The following PFKP variants were observed in gnomAD, a reference collection of about 807,000 sequenced individuals.
PFKP encodes the protein ATP-dependent 6-phosphofructokinase, platelet type.
In PFKP, 101 loss-of-function variants were observed where a neutral mutation model predicts 94.3. That is an observed-to-expected ratio of 1.07 (90% CI 0.91 to 1.26). The LOEUF is 1.26. Among genes scored for constraint, PFKP ranks in the 50% most tolerant of loss-of-function variants. The pLI is 0.00. For missense variants in PFKP, 1,145 were observed against 1,103.3 expected, an observed-to-expected ratio of 1.04 and a Z score of -0.53; for synonymous variants, 573 against 432.6, an observed-to-expected ratio of 1.32 and a Z score of -4.03.
At chr10:3,084,747 T>TCCAGCCCCTCCCCAGGAGAGTCCA (rs1833366026) in intron 2 of PFKP, among the ~76,000 whole-genome samples, 1 of 124,820 alleles carries the variant, frequency 8.0e-6, no homozygotes, top group Non-Finnish European at 1.7e-5. Context: ...AGGAGAGTCC[T>TCCAGCCCCTCCCCAGGAGAGTCCA]CCAGCCCCTC....
At chr10:3,073,500 C>G (rs946707914) in intron 1 of PFKP, among the ~76,000 whole-genome samples, 1 of 151,756 alleles carries the variant, frequency 6.6e-6, no homozygotes, top group African/African-American at 2.4e-5. Flanking sequence ...GGGGAGGGCA[C>G]CGGTGCTGCT....
rs978999218 is a variant in PFKP at position 3,128,745 on chromosome 10, C to A, written c.1684-1074C>A. 7.9e-5 allele frequency among the ~76,000 whole-genome samples: 12 copies of A among 152,232 alleles called. No homozygotes were observed. The East Asian group carries it at 2.3e-3, about 29-fold the overall frequency. On this transcript the variant is annotated intron_variant, in intron 16 of 21. Transcript: ENST00000381125. ...GCATTTAAGGCCCACCTGGGTACTCCTAGGATTCACCTTTATCACCGCATG... is the reference window on the plus strand; with the variant it reads ...GCATTTAAGGCCCACCTGGGTACTCATAGGATTCACCTTTATCACCGCATG...
At chr10:3,126,410 G>A (rs1325073305) in intron 16 of PFKP, among the ~76,000 whole-genome samples, 1 of 152,230 alleles carries the variant, frequency 6.6e-6, no homozygotes, top group African/African-American at 2.4e-5. Context: ...AATGCCATTA[G>A]GGTCCGGCCA....
intron 1 of PFKP, among the ~76,000 whole-genome samples, chr10:3,072,910 G>GTGCGGTGAATAT (rs1232479536): frequency 6.6e-6 from 1 of 151,998 alleles, no homozygotes; most frequent in Non-Finnish European, 1.5e-5. Flanking sequence ...ATATAGAACA[G>GTGCGGTGAATAT]AGGGCCGTAT....
rs1835410109 is a variant in PFKP at position 3,105,160 on chromosome 10, G to C, written c.665+1G>C. The stretch of plus-strand genomic sequence containing the variant: ...TGGAGGTGATGGGACGACACTGTGG[G>C]TACGTACCTGCGGTGGGTCCGGTGG... On this transcript the variant is annotated splice_donor_variant, in intron 6 of 21. Coordinates refer to ENST00000381125, the MANE Select transcript of PFKP (RefSeq NM_002627.5). LOFTEE classifies it high-confidence loss of function. 1.9e-6 allele frequency: 3 copies of C among 1,613,574 alleles called. No homozygotes were observed. Among genetic ancestry groups the C allele is most frequent in the East Asian group, 2.2e-5 (1 of 44,868 alleles).
chr10:3,118,757 T>G, intron 14 of PFKP, 25 bp from the exon 15 acceptor site: 1 of 1,581,518 alleles, frequency 6.3e-7, no homozygotes, highest in Non-Finnish European at 8.7e-7. Context: ...GTGTCTGACA[T>G]CGTTCTCCAC....
chr10:3,068,010 C>T (rs1029397904), intron 1 of PFKP, among the ~76,000 whole-genome samples: 2 of 152,154 alleles, frequency 1.3e-5, no homozygotes, highest in African/African-American at 4.8e-5. Context: ...GAACCTCCAT[C>T]CGGAAGATCA....
At position 3,116,864 on chromosome 10, in the gene PFKP, A is replaced by T. The variant is rs754026652; in HGVS notation, c.1442+18A>T. ...ACAAAACGGTAACTTCCAAATCTCAACTCTATGACCTGCTTTTAAGGAAGA... is the reference window on the plus strand; with the variant it reads ...ACAAAACGGTAACTTCCAAATCTCATCTCTATGACCTGCTTTTAAGGAAGA... On this transcript the variant is annotated intron_variant, in intron 14 of 21. Coordinates refer to ENST00000381125, the MANE Select transcript of PFKP (RefSeq NM_002627.5). 2 of 1,556,874 alleles carry T rather than the reference A, an allele frequency of 1.3e-6. No individual in the cohort carries two copies. The highest frequency in any genetic ancestry group is 4.5e-5 in the East Asian group (2 of 44,602).
intron 14 of PFKP, among the ~76,000 whole-genome samples, chr10:3,117,424 G>A (rs566925604): frequency 4.7e-4 from 72 of 152,272 alleles, no homozygotes; most frequent in Non-Finnish European, 8.5e-4. Context: ...TCAGAGGTGC[G>A]AATATTAATC....
chr10:3,073,871 C>T (rs1352527910), intron 1 of PFKP, among the ~76,000 whole-genome samples: 3 of 151,804 alleles, frequency 2.0e-5, no homozygotes, highest in Non-Finnish European at 4.4e-5. Context: ...GGGATCTTGC[C>T]CTCTTGCCCA....
intron 4 of PFKP, among the ~76,000 whole-genome samples, chr10:3,103,504 G>T (rs1400939874): frequency 6.6e-6 from 1 of 152,140 alleles, no homozygotes; most frequent in Non-Finnish European, 1.5e-5. Flanking sequence ...AATCAGCCAG[G>T]CATAGTTCTA....
chr10:3,068,659 C>T, intron 1 of PFKP: 1 of 985,370 alleles, frequency 1.0e-6, no homozygotes. Context: ...GTGGCGGAGA[C>T]TCGGCGCGCC....
intron 1 of PFKP, among the ~76,000 whole-genome samples, chr10:3,078,288 C>T (rs1038691435): frequency 2.6e-5 from 4 of 152,208 alleles, no homozygotes. Context: ...TGCACGTCTT[C>T]GTCCCTGTCC....
intron 18 of PFKP, among the ~76,000 whole-genome samples, chr10:3,132,733 G>A (rs984104460): frequency 1.3e-5 from 2 of 150,996 alleles, no homozygotes; most frequent in African/African-American, 2.4e-5. Flanking sequence ...ATCCCTCTTA[G>A]CCTCAGGGAC....
intron 16 of PFKP, among the ~76,000 whole-genome samples, chr10:3,120,643 A>C (rs1662272358): frequency 6.6e-6 from 1 of 152,180 alleles, no homozygotes; most frequent in Non-Finnish European, 1.5e-5. Flanking sequence ...AGACAATAAT[A>C]AAACATAGAA....
chr10:3,120,369 C>CTTTGTGTGTGTGTGTGTG lies in PFKP; in HGVS notation c.1683+326_1683+327insTTGTGTGTGTGTGTGTGT, dbSNP rs148428194. ...GTGATTGTACCAGCATTAAAAATCG[C>CTTTGTGTGTGTGTGTGTG]TGTGTGTGTGTGTGTGTGTGTGTGT... On this transcript the variant is annotated intron_variant, in intron 16 of 21. Transcript: ENST00000381125. 4.8e-3 allele frequency among the ~76,000 whole-genome samples: 518 copies of CTTTGTGTGTGTGTGTGTG among 108,582 alleles called. 4 individuals are homozygous for CTTTGTGTGTGTGTGTGTG. Among genetic ancestry groups the CTTTGTGTGTGTGTGTGTG allele is most frequent in the African/African-American group, 0.015 (490 of 32,764 alleles). The allele number at this position is 108,582 out of a possible 152,430, so 71.2% of individuals were successfully genotyped here.
chr10:3,116,976 C>CAGT, intron 14 of PFKP, 130 bp downstream of exon 14: 1 of 747,756 alleles, frequency 1.3e-6, no homozygotes, highest in Non-Finnish European at 2.4e-6. Flanking sequence ...GGGGTGCAGG[C>CAGT]AGTTACCGGT....
intron 1 of PFKP, among the ~76,000 whole-genome samples, chr10:3,072,633 A>G (rs968040530): frequency 6.6e-6 from 1 of 151,934 alleles, no homozygotes; most frequent in Non-Finnish European, 1.5e-5. Context: ...TACTCGAATG[A>G]CCCTTCGAAG....
intron 10 of PFKP, among the ~76,000 whole-genome samples, 168 bp downstream of exon 10, chr10:3,109,648 T>A (rs112001330): frequency 0.016 from 2,441 of 152,286 alleles, 64 homozygotes; most frequent in African/African-American, 0.056. Flanking sequence ...TTATGTTCTC[T>A]CCCACACCTG....
Sources: gnomAD v4.1 joint callset for allele counts (sites outside exome capture counted in the v4.1 genomes callset) on GRCh38, gnomAD v4.1.1 for gene constraint, MANE v1.5 for transcripts, NCBI Gene and HGNC (gene_info 2026-07-23, HGNC 2026-07-21) for gene names.